ARL8B: variants seen among roughly 807,000 people sequenced by gnomAD.
ARL8B encodes the protein ADP-ribosylation factor-like protein 8B.
ARL8B carries 9 observed loss-of-function variants against 30.6 expected under a neutral mutation model. The ratio of observed to expected loss-of-function variants is 0.29; its 90% CI spans 0.18 to 0.51. The LOEUF is 0.51. Ranked by LOEUF, ARL8B falls within the 20% of genes least tolerant of loss-of-function variation. ARL8B has a pLI of 0.97. For missense variants in ARL8B, 130 were observed against 227.2 expected, an observed-to-expected ratio of 0.57 and a Z score of 2.75; for synonymous variants, 74 against 76.0, an observed-to-expected ratio of 0.97 and a Z score of 0.14.
At position 5,149,869 on chromosome 3, in the gene ARL8B, A is replaced by G. The variant is rs542732526; in HGVS notation, c.124-20634A>G. On this transcript the variant is annotated intron_variant, in intron 1 of 6. Transcript: ENST00000256496. ...TTGGACAAACTTGACAATTTAGACC[A>G]TTCAGCACATGATAGATGTTTTAGT... is the stretch of plus-strand genomic sequence containing the variant. Among the ~76,000 whole-genome samples the G allele has an allele frequency of 1.1e-4, 16 of 152,356 alleles. No individual in the cohort carries two copies. The East Asian group carries it at 2.7e-3, about 26-fold the overall frequency.
chr3:5,155,428 A>G (rs538913425), intron 1 of ARL8B, among the ~76,000 whole-genome samples: 2 of 152,202 alleles, frequency 1.3e-5, no homozygotes, highest in South Asian at 2.1e-4. Context: ...TTGGATGTTT[A>G]TGTTCATGTC....
chr3:5,163,146 C>T (rs1405946325), intron 1 of ARL8B, among the ~76,000 whole-genome samples: 1 of 152,040 alleles, frequency 6.6e-6, no homozygotes, highest in Admixed American at 6.6e-5. Flanking sequence ...TGCCACCACA[C>T]CCAGCTAATT....
chr3:5,174,738 A>T (rs557749557), intron 6 of ARL8B, among the ~76,000 whole-genome samples: 1 of 115,884 alleles, frequency 8.6e-6, no homozygotes, highest in Admixed American at 8.4e-5. Flanking sequence ...TGTAATATAT[A>T]TGTAATATAT....
intron 1 of ARL8B, among the ~76,000 whole-genome samples, chr3:5,170,126 T>G (rs1287634636): frequency 2.0e-5 from 3 of 152,258 alleles, no homozygotes; most frequent in African/African-American, 7.2e-5. Flanking sequence ...TTTTAATAGT[T>G]ACTGTCAGAA....
At chr3:5,136,996 G>T (rs575720127) in intron 1 of ARL8B, among the ~76,000 whole-genome samples, 1 of 152,198 alleles carries the variant, frequency 6.6e-6, no homozygotes, top group Admixed American at 6.5e-5. Context: ...CAATATTTAT[G>T]GCCTTTAAAT....
intron 1 of ARL8B, among the ~76,000 whole-genome samples, chr3:5,161,793 C>T (rs1210886818): frequency 4.6e-5 from 7 of 152,142 alleles, no homozygotes; most frequent in African/African-American, 1.7e-4. Context: ...TTAAGTTAGT[C>T]CTTAGGGGCT....
Position 5,179,610 on chromosome 3 carries a change from T to G in ARL8B, c.*897T>G, listed in dbSNP as rs551622386. 4.3e-4 allele frequency: 65 copies of G among 152,796 alleles called. No individual in the cohort carries two copies. The highest frequency in any genetic ancestry group is 1.5e-3 in the African/African-American group (63 of 41,590). The allele number at this position is 152,796 out of a possible 1,614,324, so 9.5% of individuals were successfully genotyped here. On this transcript the variant is annotated 3_prime_UTR_variant, in exon 7 of 7. Transcript: ENST00000256496. ...TGTTCAAACATCTGTTTGTTCTATC[T>G]CCAGTCATTAAATCAGTGCTGCTGC...
chr3:5,162,661 CTG>C (rs1367750865), intron 1 of ARL8B, among the ~76,000 whole-genome samples: 1 of 152,138 alleles, frequency 6.6e-6, no homozygotes. Context: ...ACTTAATTCA[CTG>C]TGATAATTAC....
At chr3:5,161,904 G>T (rs1468912166) in intron 1 of ARL8B, among the ~76,000 whole-genome samples, 1 of 152,150 alleles carries the variant, frequency 6.6e-6, no homozygotes, top group East Asian at 1.9e-4. Flanking sequence ...ATATTTGTAT[G>T]TTTGTTTCCT....
intron 1 of ARL8B, among the ~76,000 whole-genome samples, chr3:5,141,344 C>T (rs2106558385): frequency 6.6e-6 from 1 of 152,284 alleles, no homozygotes; most frequent in South Asian, 2.1e-4. Flanking sequence ...CCTTTTGGTC[C>T]TCAAATTGCT....
intron 1 of ARL8B, among the ~76,000 whole-genome samples, chr3:5,154,591 C>A (rs1161831363): frequency 1.3e-5 from 2 of 152,118 alleles, no homozygotes; most frequent in African/African-American, 4.8e-5. Flanking sequence ...TAAGTACCTT[C>A]ATATTGAATG....
intron 1 of ARL8B, among the ~76,000 whole-genome samples, chr3:5,169,199 TTTG>T (rs150734093): frequency 2.6e-5 from 4 of 152,232 alleles, no homozygotes; most frequent in East Asian, 1.9e-4. Flanking sequence ...CTTCTAGAAA[TTTG>T]TTATCTTTTC....
At chr3:5,139,242 A>G (rs1050476570) in intron 1 of ARL8B, among the ~76,000 whole-genome samples, 2 of 152,342 alleles carry the variant, frequency 1.3e-5, no homozygotes, top group African/African-American at 2.4e-5. Context: ...GCTTTAATGT[A>G]TCCAATGACA....
intron 1 of ARL8B, among the ~76,000 whole-genome samples, chr3:5,152,573 C>T (rs910269746): frequency 1.3e-5 from 2 of 152,252 alleles, no homozygotes; most frequent in Admixed American, 1.3e-4. Flanking sequence ...CCACCTCCAA[C>T]TCCTGGACTT....
chr3:5,124,121 G>A (rs1464425684), intron 1 of ARL8B, among the ~76,000 whole-genome samples: 2 of 152,042 alleles, frequency 1.3e-5, no homozygotes, highest in East Asian at 1.9e-4. Flanking sequence ...CGCCCGACTC[G>A]GCCTCTTAAA....
intron 1 of ARL8B, among the ~76,000 whole-genome samples, chr3:5,147,129 G>C (rs55946647): frequency 0.38 from 58,284 of 151,522 alleles, 12,722 homozygotes; most frequent in African/African-American, 0.62. Context: ...CCCACTAACC[G>C]GTCATTTACA....
chr3:5,129,091 C>CA (rs1326232581), intron 1 of ARL8B, among the ~76,000 whole-genome samples: 10 of 152,250 alleles, frequency 6.6e-5, no homozygotes, highest in African/African-American at 2.4e-4. Flanking sequence ...ATTTCTGGGT[C>CA]AAAAACGCAT....
rs1575577666 is a variant in ARL8B at position 5,178,949 on chromosome 3, TA to T, written c.*239del. On this transcript the variant is annotated 3_prime_UTR_variant, in exon 7 of 7. Transcript: ENST00000256496. ...AAAGGCTTCTTACACATACCTGTCT[TA>T]AACCATGTGTAGAGCTTTAAAAACA... is the stretch of plus-strand genomic sequence containing the variant. 1 of 545,616 alleles carries T rather than the reference TA, an allele frequency of 1.8e-6. No homozygotes were observed. The highest frequency in any genetic ancestry group is 2.9e-6 in the Non-Finnish European group (1 of 348,772). The allele number at this position is 545,616 out of a possible 1,614,324, so 33.8% of individuals were successfully genotyped here. A position where few individuals can be genotyped will look rare whatever the true frequency, so the allele number is the denominator to read the frequency against.
intron 4 of ARL8B, 110 bp downstream of exon 4, chr3:5,172,850 T>G: frequency 1.3e-6 from 1 of 765,138 alleles, no homozygotes; most frequent in Non-Finnish European, 2.1e-6. Context: ...GTCTTCATTT[T>G]TAAAATCTGG....
Sources: gnomAD v4.1 joint callset for allele counts (sites outside exome capture counted in the v4.1 genomes callset) on GRCh38, gnomAD v4.1.1 for gene constraint, MANE v1.5 for transcripts, NCBI Gene and HGNC (gene_info 2026-07-23, HGNC 2026-07-21) for gene names.